Variants in PARD3 observed in about 807,000 individuals in gnomAD.
PARD3 encodes the protein par-3 family cell polarity regulator.
A neutral mutation model predicts 155.4 loss-of-function variants in PARD3; 75 were observed. That is an observed-to-expected ratio of 0.48 (90% CI 0.40 to 0.58). PARD3 has a LOEUF of 0.58. PARD3 is among the 20% of genes least tolerant of loss of function. PARD3 has a pLI of 0.00. For missense variants in PARD3, 1,642 were observed against 1,721.7 expected, an observed-to-expected ratio of 0.95 and a Z score of 0.82; for synonymous variants, 576 against 610.5, an observed-to-expected ratio of 0.94 and a Z score of 0.83.
intron 2 of PARD3, among the ~76,000 whole-genome samples, chr10:34,580,899 A>G (rs529854226): frequency 1.9e-4 from 29 of 152,366 alleles, no homozygotes; most frequent in Admixed American, 4.6e-4. Flanking sequence ...TAGCTGACTC[A>G]TAAGGTATGT....
chr10:34,343,456 C>T (rs1053814424), intron 15 of PARD3: 2 of 980,510 alleles, frequency 2.0e-6, no homozygotes, highest in Non-Finnish European at 2.4e-6. Context: ...ATATTGTATA[C>T]ATAGATAAAT....
intron 3 of PARD3, among the ~76,000 whole-genome samples, chr10:34,503,525 C>T (rs538649403): frequency 3.3e-5 from 5 of 152,178 alleles, no homozygotes; most frequent in Admixed American, 6.5e-5. Context: ...TGTGTGCCTA[C>T]GTATATATGT....
chr10:34,281,067 G>A (rs565827952), intron 21 of PARD3, among the ~76,000 whole-genome samples: 7 of 152,244 alleles, frequency 4.6e-5, no homozygotes, highest in South Asian at 2.1e-4. Context: ...GAAAGCCAAC[G>A]TGTGATGCTT....
At chr10:34,623,792 T>C (rs2091830383) in intron 2 of PARD3, among the ~76,000 whole-genome samples, 2 of 149,846 alleles carry the variant, frequency 1.3e-5, no homozygotes, top group Admixed American at 1.3e-4. Flanking sequence ...CCATCCTGGC[T>C]AACACGGTGA....
At chr10:34,534,758 C>T (rs758909942) in intron 2 of PARD3, among the ~76,000 whole-genome samples, 1 of 152,184 alleles carries the variant, frequency 6.6e-6, no homozygotes, top group Non-Finnish European at 1.5e-5. Context: ...CACCTGTAAT[C>T]CTAGCACTTT....
chr10:34,111,339 G>A lies in PARD3; in HGVS notation c.3892C>T (p.Gln1298Ter). 6.2e-7 allele frequency: 1 copy of A among 1,613,980 alleles called. No homozygotes were observed. Among genetic ancestry groups the A allele is most frequent in the Non-Finnish European group, 8.5e-7 (1 of 1,179,860 alleles). ...QRRKEQQMKK[Q>*]PPSEGPSNYD... Reference sequence around the variant, plus strand: ...TTGCTGGGCCCCTCGGAAGGAGGCTGCTTCTTCATCTGCTGCTCCTTCCGC... The same window carrying A: ...TTGCTGGGCCCCTCGGAAGGAGGCTACTTCTTCATCTGCTGCTCCTTCCGC... The change falls in exon 25 of 25, where the codon CAG (glutamine) becomes TAG (stop). Residue 1298 changes from glutamine to a stop codon, truncating the protein, a stop_gained. Transcript: ENST00000374788. LOFTEE classifies it high-confidence loss of function.
At chr10:34,701,166 G>T (rs1033180209) in intron 1 of PARD3, among the ~76,000 whole-genome samples, 3 of 152,176 alleles carry the variant, frequency 2.0e-5, no homozygotes, top group African/African-American at 7.2e-5. Flanking sequence ...ACAAGAGGAG[G>T]ACCCTGAGCA....
intron 5 of PARD3, among the ~76,000 whole-genome samples, chr10:34,426,207 T>C (rs1189597732): frequency 6.6e-6 from 1 of 152,228 alleles, no homozygotes; most frequent in Non-Finnish European, 1.5e-5. Context: ...AGTAAAAGGA[T>C]GAGTTTTCTT....
At chr10:34,364,265 A>G (rs1488076579) in intron 12 of PARD3, among the ~76,000 whole-genome samples, 1 of 152,228 alleles carries the variant, frequency 6.6e-6, no homozygotes, top group African/African-American at 2.4e-5. Flanking sequence ...GAGAGGCAAA[A>G]GAAACATGGA....
At chr10:34,415,306 C>A (rs74134131) in intron 5 of PARD3, among the ~76,000 whole-genome samples, 5,469 of 152,102 alleles carry the variant, frequency 0.036, 317 homozygotes, top group African/African-American at 0.12. Context: ...CATGCACAGT[C>A]GGCTCAGGGG....
intron 3 of PARD3, among the ~76,000 whole-genome samples, chr10:34,503,871 G>A (rs1366666131): frequency 2.0e-5 from 3 of 152,184 alleles, no homozygotes; most frequent in South Asian, 2.1e-4. Flanking sequence ...GGATTTATGA[G>A]AACAAGAAAG....
intron 2 of PARD3, among the ~76,000 whole-genome samples, chr10:34,640,093 T>C (rs1564449238): frequency 6.6e-6 from 1 of 152,196 alleles, no homozygotes; most frequent in Non-Finnish European, 1.5e-5. Flanking sequence ...AGTCTCAGTC[T>C]TCCTCTTGTA....
chr10:34,138,936 C>A (rs554100220), intron 22 of PARD3, among the ~76,000 whole-genome samples: 8 of 150,268 alleles, frequency 5.3e-5, no homozygotes, highest in Admixed American at 1.3e-4. Context: ...TATCAACAAT[C>A]CTGGAAATAA....
At chr10:34,682,654 G>A (rs1305347086) in intron 2 of PARD3, among the ~76,000 whole-genome samples, 1 of 152,078 alleles carries the variant, frequency 6.6e-6, no homozygotes, top group Non-Finnish European at 1.5e-5. Flanking sequence ...CCCGGGTGTT[G>A]GAGGCTGCAC....
intron 2 of PARD3, among the ~76,000 whole-genome samples, chr10:34,607,094 T>C (rs1468114814): frequency 6.6e-6 from 1 of 152,122 alleles, no homozygotes; most frequent in East Asian, 1.9e-4. Context: ...GCACAAATCT[T>C]AATCTTTGGG....
At chr10:34,130,460 G>A (rs1234361888) in intron 23 of PARD3, among the ~76,000 whole-genome samples, 1 of 152,122 alleles carries the variant, frequency 6.6e-6, no homozygotes, top group Non-Finnish European at 1.5e-5. Context: ...TTACCATGCT[G>A]CCTGGACTTC....
intron 1 of PARD3, among the ~76,000 whole-genome samples, chr10:34,783,835 T>C (rs1437189835): frequency 6.6e-6 from 1 of 152,106 alleles, no homozygotes; most frequent in Non-Finnish European, 1.5e-5. Flanking sequence ...TACTTGGAAC[T>C]AGACTATATA....
chr10:34,316,612 G>A (rs1399225499), intron 20 of PARD3, among the ~76,000 whole-genome samples: 1 of 152,036 alleles, frequency 6.6e-6, no homozygotes, highest in East Asian at 1.9e-4. Context: ...TTTAAATAAT[G>A]AACCATTGTT....
intron 1 of PARD3, among the ~76,000 whole-genome samples, chr10:34,803,412 A>G (rs1230269502): frequency 2.6e-5 from 4 of 152,108 alleles, no homozygotes; most frequent in Admixed American, 2.6e-4. Flanking sequence ...CCATCACCAA[A>G]CTTTCCACTT....
Sources: gnomAD v4.1 joint callset for allele counts (sites outside exome capture counted in the v4.1 genomes callset) on GRCh38, gnomAD v4.1.1 for gene constraint, MANE v1.5 for transcripts, NCBI Gene and HGNC (gene_info 2026-07-23, HGNC 2026-07-21) for gene names.